TAFA2: variants seen among roughly 807,000 people sequenced by gnomAD.
TAFA2 encodes TAFA chemokine like family member 2.
Under a neutral mutation model 18.8 loss-of-function variants are expected in TAFA2, and 7 were observed. The observed-to-expected ratio is 0.37, with a 90% confidence interval of 0.21 to 0.70. TAFA2 has a LOEUF of 0.70. Ranked by LOEUF, TAFA2 falls within the 30% of genes least tolerant of loss-of-function variation. TAFA2 has a pLI of 0.53. For missense variants in TAFA2, 122 were observed against 158.1 expected (o/e 0.77, Z 1.23); for synonymous variants, 60 against 54.2 (o/e 1.11, Z -0.47).
chr12:61,911,361 A>T (rs954194968), intron 1 of TAFA2, among the ~76,000 whole-genome samples: 2 of 152,190 alleles, frequency 1.3e-5, no homozygotes, highest in African/African-American at 4.8e-5. Context: ...ATTCCAGTCA[A>T]CAAACCTGTC....
chr12:62,003,729 T>C (rs1389965437), intron 1 of TAFA2, among the ~76,000 whole-genome samples: 7 of 152,214 alleles, frequency 4.6e-5, no homozygotes, highest in Non-Finnish European at 1.0e-4. Context: ...ACAAAGATCT[T>C]AATCTGTCTT....
chr12:61,810,739 A>C (rs752909550), intron 2 of TAFA2, among the ~76,000 whole-genome samples: 3 of 151,192 alleles, frequency 2.0e-5, no homozygotes, highest in Non-Finnish European at 2.9e-5. Context: ...GAAGTGTTGC[A>C]CTTCCAGGCT....
rs35124773 is a variant in TAFA2 at position 62,088,880 on chromosome 12, TTC to T, written c.-2+102377_-2+102378del. On this transcript the variant is annotated intron_variant, in intron 1 of 4. Transcript: ENST00000416284. ...AAATACCTGCTACATATGTTTTTCT[TTC>T]TCTCTCTCTCTCTCTCTCTCTCTAT... Among the ~76,000 whole-genome samples the T allele has an allele frequency of 4.3e-3, 637 of 148,760 alleles. 6 individuals are homozygous for T. The highest frequency in any genetic ancestry group is 3.0e-3 in the Non-Finnish European group (202 of 66,846).
At chr12:61,856,352 A>G (rs1344146191) in intron 2 of TAFA2, among the ~76,000 whole-genome samples, 1 of 152,036 alleles carries the variant, frequency 6.6e-6, no homozygotes, top group Non-Finnish European at 1.5e-5. Flanking sequence ...TGAATAAAAT[A>G]TATGAAAAGA....
chr12:61,768,762 AAGG>A (rs1180083618), intron 2 of TAFA2, among the ~76,000 whole-genome samples: 1 of 152,120 alleles, frequency 6.6e-6, no homozygotes, highest in African/African-American at 2.4e-5. Flanking sequence ...GAAAGACCAC[AAGG>A]AGAAGGAAAC....
At chr12:61,838,574 C>T (rs888974826) in intron 2 of TAFA2, among the ~76,000 whole-genome samples, 7 of 151,942 alleles carry the variant, frequency 4.6e-5, no homozygotes, top group African/African-American at 7.2e-5. Flanking sequence ...GGGCCTTTTG[C>T]GCATGTACAG....
chr12:61,787,542 T>C (rs1870789435), intron 2 of TAFA2, among the ~76,000 whole-genome samples: 6 of 151,608 alleles, frequency 4.0e-5, no homozygotes, highest in Non-Finnish European at 8.9e-5. Context: ...TAGATGTAAA[T>C]TAAAGCAACA....
intron 1 of TAFA2, among the ~76,000 whole-genome samples, chr12:61,905,269 G>A (rs1412342985): frequency 6.6e-6 from 1 of 151,992 alleles, no homozygotes; most frequent in Non-Finnish European, 1.5e-5. Context: ...AAAAGTCTAG[G>A]CCATTACCAG....
intron 1 of TAFA2, among the ~76,000 whole-genome samples, chr12:61,925,193 C>T (rs1877234298): frequency 6.6e-6 from 1 of 152,154 alleles, no homozygotes; most frequent in Non-Finnish European, 1.5e-5. Flanking sequence ...GTAAAATTAA[C>T]AAGAATATTC....
intron 1 of TAFA2, among the ~76,000 whole-genome samples, chr12:62,180,565 A>C (rs937083358): frequency 6.6e-6 from 1 of 152,228 alleles, no homozygotes; most frequent in Non-Finnish European, 1.5e-5. Context: ...GTTTTATTAA[A>C]CATATGTGTT....
chr12:61,887,204 C>A (rs149099135), intron 1 of TAFA2, among the ~76,000 whole-genome samples: 74 of 152,278 alleles, frequency 4.9e-4, no homozygotes, highest in African/African-American at 1.7e-3. Context: ...TTCTCTGCCC[C>A]TCCCCAGGAC....
At chr12:61,897,708 C>T (rs555834446) in intron 1 of TAFA2, among the ~76,000 whole-genome samples, 1 of 152,156 alleles carries the variant, frequency 6.6e-6, no homozygotes, top group Non-Finnish European at 1.5e-5. Flanking sequence ...ATGGGGATTA[C>T]AATTTGAGAT....
chr12:62,117,909 T>C (rs1457956433), intron 1 of TAFA2, among the ~76,000 whole-genome samples: 15 of 152,186 alleles, frequency 9.9e-5, no homozygotes, highest in African/African-American at 3.4e-4. Context: ...GTGCACAGAA[T>C]TGGATTAATA....
intron 1 of TAFA2, among the ~76,000 whole-genome samples, chr12:62,213,328 C>T (rs968528224): frequency 3.9e-5 from 6 of 152,156 alleles, no homozygotes; most frequent in Admixed American, 3.9e-4. Context: ...TAGGTAAGTT[C>T]AATTTGTTAA....
intron 1 of TAFA2, among the ~76,000 whole-genome samples, chr12:62,054,409 G>A (rs571816934): frequency 6.6e-6 from 1 of 152,196 alleles, no homozygotes; most frequent in East Asian, 1.9e-4. Flanking sequence ...CAGGACACTC[G>A]AATCTAAGTC....
intron 1 of TAFA2, among the ~76,000 whole-genome samples, chr12:62,236,519 C>T (rs1383460359): frequency 1.3e-5 from 2 of 152,276 alleles, no homozygotes; most frequent in African/African-American, 4.8e-5. Flanking sequence ...CCCACCTCAG[C>T]CTCCCAAAGT....
chr12:62,009,219 T>C (rs1393581543), intron 1 of TAFA2, among the ~76,000 whole-genome samples: 4 of 152,090 alleles, frequency 2.6e-5, no homozygotes, highest in African/African-American at 7.3e-5. Context: ...TTAAGTGAAT[T>C]TGGGGGGCAT....
intron 2 of TAFA2, among the ~76,000 whole-genome samples, chr12:61,851,774 C>CAAAAAAAAAAAAAAAAA (rs55651727): frequency 2.1e-4 from 3 of 14,502 alleles, no homozygotes; most frequent in East Asian, 3.2e-3. Context: ...GACTCCATCT[C>CAAAAAAAAAAAAAAAAA]AAAAAAAAAA....
At chr12:61,864,642 G>T (rs1177698923) in intron 2 of TAFA2, among the ~76,000 whole-genome samples, 2 of 151,378 alleles carry the variant, frequency 1.3e-5, no homozygotes, top group African/African-American at 4.8e-5. Flanking sequence ...GCGTGGTGGT[G>T]GGCACCTGTA....
Sources: gnomAD v4.1 joint callset for allele counts (sites outside exome capture counted in the v4.1 genomes callset) on GRCh38, gnomAD v4.1.1 for gene constraint, MANE v1.5 for transcripts, NCBI Gene and HGNC (gene_info 2026-07-23, HGNC 2026-07-21) for gene names.